The following NKX2-2 variants were observed in gnomAD, a reference collection of about 807,000 sequenced individuals.
The protein encoded by NKX2-2 is homeobox protein Nkx-2.2.
Under a neutral mutation model 24.6 loss-of-function variants are expected in NKX2-2, and 8 were observed. That is an observed-to-expected ratio of 0.32 (90% CI 0.19 to 0.59). The LOEUF (loss-of-function observed/expected upper bound fraction) is 0.59, where lower values mean the gene tolerates loss of function less well. NKX2-2 is among the 20% of genes least tolerant of loss of function. The pLI is 0.86. For missense variants in NKX2-2, 381 were observed against 373.9 expected, an observed-to-expected ratio of 1.02 and a Z score of -0.16; for synonymous variants, 217 against 173.3, an observed-to-expected ratio of 1.25 and a Z score of -1.98.
upstream of NKX2-2, among the ~76,000 whole-genome samples, chr20:21,518,072 C>G (rs1980685773): frequency 6.6e-6 from 1 of 152,188 alleles, no homozygotes; most frequent in Non-Finnish European, 1.5e-5. Context: ...TGGGTTTGAG[C>G]TTTGGGCTCA....
At chr20:21,519,041 G>A (rs1051359478), upstream of NKX2-2, among the ~76,000 whole-genome samples, 1 of 152,146 alleles carries the variant, frequency 6.6e-6, no homozygotes, top group Non-Finnish European at 1.5e-5. Context: ...GGGTCTTGGG[G>A]CCTGCTCTAA....
the NKX2-2 span, among the ~76,000 whole-genome samples, chr20:21,519,566 G>A: frequency 2.0e-4 from 30 of 152,324 alleles, no homozygotes; most frequent in African/African-American, 5.3e-4. Flanking sequence ...TTCACCTTAA[G>A]GATGGCATCT....
chr20:21,516,315 C>T (rs1323543268), upstream of NKX2-2, among the ~76,000 whole-genome samples: 2 of 152,086 alleles, frequency 1.3e-5, no homozygotes, highest in Non-Finnish European at 2.9e-5. Flanking sequence ...TTCTCCCCCT[C>T]CTTCCCCCCT....
the NKX2-2 span, among the ~76,000 whole-genome samples, chr20:21,521,415 C>T: frequency 6.6e-6 from 1 of 152,132 alleles, no homozygotes; most frequent in African/African-American, 2.4e-5. Flanking sequence ...AACTGTCCGG[C>T]GCCGGGCGCG....
At chr20:21,516,259 G>C (rs1448010630), upstream of NKX2-2, among the ~76,000 whole-genome samples, 1 of 151,934 alleles carries the variant, frequency 6.6e-6, no homozygotes, top group African/African-American at 2.4e-5. Flanking sequence ...CCTTCATGTC[G>C]ACGCTCCCCG....
At chr20:21,514,288 A>G (rs562947904), upstream of NKX2-2, among the ~76,000 whole-genome samples, 2 of 152,210 alleles carry the variant, frequency 1.3e-5, no homozygotes, top group South Asian at 4.1e-4. Context: ...TGAAGACAGT[A>G]TTTGCAGATG....
chr20:21,516,712 T>C (rs912880370), upstream of NKX2-2, among the ~76,000 whole-genome samples: 24 of 152,242 alleles, frequency 1.6e-4, no homozygotes, highest in East Asian at 4.6e-3. Context: ...AGCCACTAGG[T>C]TGGGGACCCA....
chr20:21,513,726 G>A lies in NKX2-2; in HGVS notation c.-57C>T. On this transcript the variant is annotated 5_prime_UTR_variant, in exon 1 of 2. Transcript: ENST00000377142. The surrounding 1 kb of genome is among the most constrained non-coding windows in gnomAD (Gnocchi z 4.6). ...TTGTAGCTTCACTTGGTCAATTCGT[G>A]GCGCTCCCCTGCCCCGGCGGGCGGG... is the stretch of plus-strand genomic sequence containing the variant. The A allele has an allele frequency of 7.3e-7, 1 of 1,377,230 alleles. No individual in the cohort carries two copies. The highest frequency in any genetic ancestry group is 9.4e-7 in the Non-Finnish European group (1 of 1,066,116). 85.3% of individuals were successfully genotyped at this position (1,377,230 alleles called of 1,614,324 possible).
Position 21,511,867 on chromosome 20 carries a change from C to A in NKX2-2, c.*56G>T, listed in dbSNP as rs1225616542. 1.4e-6 allele frequency: 2 copies of A among 1,435,962 alleles called. No homozygotes were observed. Among genetic ancestry groups the A allele is most frequent in the Non-Finnish European group, 1.9e-6 (2 of 1,072,056 alleles). The allele number at this position is 1,435,962 out of a possible 1,614,324, so 89.0% of individuals were successfully genotyped here. ...ATAAGGACCGAGGCCTCCTCGCCGC[C>A]ACCGCCGCCGGGGTGGGGCCTGGGC... On this transcript the variant is annotated 3_prime_UTR_variant, in exon 2 of 2. Coordinates refer to ENST00000377142, the MANE Select transcript of NKX2-2 (RefSeq NM_002509.4).
rs1390279820 is a variant in NKX2-2, at chr20:21,513,645, C to G, written c.25G>C (p.Gly9Arg). 1 of 1,591,474 alleles carries G rather than the reference C, an allele frequency of 6.3e-7. No homozygotes were observed. The highest frequency in any genetic ancestry group is 8.5e-7 in the Non-Finnish European group (1 of 1,171,366). The change falls in exon 1 of 2, where the codon GGG (glycine) becomes CGG (arginine). Residue 9 changes from glycine to arginine, a missense_variant. Physicochemically the swap from Gly to Arg is moderately radical, Grantham distance 125. This residue lies in a region of NKX2-2 where 206 missense variants were observed against 173.1 expected (regional missense o/e 1.19). Coordinates refer to ENST00000377142, the MANE Select transcript of NKX2-2 (RefSeq NM_002509.4). The surrounding 1 kb of genome is among the most constrained non-coding windows in gnomAD (Gnocchi z 4.6). The stretch of plus-strand genomic sequence containing the variant: ...TCTAAGATGTCCTTGACCGAAAACC[C>G]CGTCTTTGTGTTGGTCAGCGACATG... MSLTNTKT[G>R]FSVKDILDLP...
In NKX2-2 at chr20:21,513,265, C is replaced by G. The variant is rs1568637491; in HGVS notation, c.259+146G>C. The G allele has an allele frequency of 7.4e-6, 6 of 811,710 alleles. No individual in the cohort carries two copies. The highest frequency in any genetic ancestry group is 1.1e-5 in the Non-Finnish European group (6 of 544,524). The allele number at this position is 811,710 out of a possible 1,614,324, so 50.3% of individuals were successfully genotyped here. On this transcript the variant is annotated intron_variant, in intron 1 of 1. Coordinates refer to ENST00000377142, the MANE Select transcript of NKX2-2 (RefSeq NM_002509.4). This position sits in a 1 kb window ranked among gnomAD's most constrained non-coding sequence, Gnocchi z 4.6. ...AGAGGAGGGCAGAGGACATCCTATA[C>G]AGGTGTTAAAAATCTTTCTACGGAT...
upstream of NKX2-2, among the ~76,000 whole-genome samples, chr20:21,517,400 C>G (rs890309624): frequency 1.8e-4 from 28 of 152,162 alleles, no homozygotes; most frequent in Admixed American, 6.6e-5. Flanking sequence ...TCGGTGCTTC[C>G]GGGTCCACAG....
At chr20:21,518,340 A>G (rs1455606077), upstream of NKX2-2, among the ~76,000 whole-genome samples, 2 of 152,066 alleles carry the variant, frequency 1.3e-5, no homozygotes, top group Non-Finnish European at 2.9e-5. Context: ...AGCTCTATTC[A>G]TTCTTCCTAG....
Position 21,513,634 on chromosome 20 carries a change from G to T in NKX2-2, c.36C>A (p.Val12=). 1 of 1,600,272 alleles carries T rather than the reference G, an allele frequency of 6.2e-7. No individual in the cohort carries two copies. The highest frequency in any genetic ancestry group is 8.5e-7 in the Non-Finnish European group (1 of 1,175,090). Residue 12 remains valine, a synonymous_variant, in exon 1 of 2, where the codon GTC becomes GTA. Transcript: ENST00000377142. The surrounding 1 kb of genome is among the most constrained non-coding windows in gnomAD (Gnocchi z 4.6). Reference sequence around the variant, plus strand: ...TGTCCGGCAGGTCTAAGATGTCCTTGACCGAAAACCCCGTCTTTGTGTTGG... The same window carrying T: ...TGTCCGGCAGGTCTAAGATGTCCTTTACCGAAAACCCCGTCTTTGTGTTGG... ...SLTNTKTGFS[V]KDILDLPDTN...
At chr20:21,514,845 G>A (rs1980578913), upstream of NKX2-2, among the ~76,000 whole-genome samples, 1 of 152,194 alleles carries the variant, frequency 6.6e-6, no homozygotes, top group Non-Finnish European at 1.5e-5. Context: ...CCGCGAGAGA[G>A]CCCAAAACCC....
the NKX2-2 span, among the ~76,000 whole-genome samples, chr20:21,520,808 G>T: frequency 6.6e-6 from 1 of 152,192 alleles, no homozygotes; most frequent in Non-Finnish European, 1.5e-5. Context: ...ATTACGCATC[G>T]TCAGTGTTGC....
At chr20:21,522,635 G>A in the NKX2-2 span, among the ~76,000 whole-genome samples, 5 of 151,840 alleles carry the variant, frequency 3.3e-5, no homozygotes, top group Non-Finnish European at 4.4e-5. Flanking sequence ...TTTATCCCGA[G>A]TCGCGGGCGG....
chr20:21,521,775 G>A, the NKX2-2 span, among the ~76,000 whole-genome samples: 2 of 152,020 alleles, frequency 1.3e-5, no homozygotes, highest in African/African-American at 4.8e-5. Context: ...CCGGGCAATC[G>A]GGAGGGAGCT....
At chr20:21,519,118 C>T in the NKX2-2 span, among the ~76,000 whole-genome samples, 1 of 152,236 alleles carries the variant, frequency 6.6e-6, no homozygotes, top group African/African-American at 2.4e-5. Context: ...CACTCCCCAC[C>T]CACAAAAGCG....
Sources: gnomAD v4.1 joint callset for allele counts (sites outside exome capture counted in the v4.1 genomes callset) on GRCh38, gnomAD v4.1.1 for gene constraint, gnomAD v4.1.1 regional missense constraint, Gnocchi (gnomAD v3.1) non-coding constraint, MANE v1.5 for transcripts, NCBI Gene and HGNC (gene_info 2026-07-23, HGNC 2026-07-21) for gene names.